Variants in MTUS2 observed in about 807,000 individuals in gnomAD.
MTUS2 encodes microtubule associated scaffold protein 2.
In MTUS2, 40 loss-of-function variants were observed where a neutral mutation model predicts 114.1. The ratio of observed to expected loss-of-function variants is 0.35; its 90% confidence interval spans 0.27 to 0.46. The LOEUF (loss-of-function observed/expected upper bound fraction) is 0.46, where lower values mean the gene tolerates loss of function less well. MTUS2 is among the 20% of genes least tolerant of loss of function. MTUS2 has a pLI of 1.00. For missense variants in MTUS2, 1,679 were observed against 1,705.4 expected (o/e 0.98, Z 0.27); for synonymous variants, 688 against 672.0 (o/e 1.02, Z -0.37).
At chr13:29,042,033 T>C (rs1440565096) in intron 4 of MTUS2, among the ~76,000 whole-genome samples, 1 of 152,192 alleles carries the variant, frequency 6.6e-6, no homozygotes, top group East Asian at 1.9e-4. Context: ...TGGGCATCCT[T>C]GACTTGTTCC....
At chr13:29,240,920 TA>T (rs1444893529) in intron 5 of MTUS2, among the ~76,000 whole-genome samples, 1 of 152,114 alleles carries the variant, frequency 6.6e-6, no homozygotes, top group Non-Finnish European at 1.5e-5. Context: ...TTCAACCTTA[TA>T]AAAAAGAAAA....
chr13:29,363,071 C>G (rs553777919), intron 8 of MTUS2, among the ~76,000 whole-genome samples: 1 of 151,274 alleles, frequency 6.6e-6, no homozygotes, highest in South Asian at 2.1e-4. Flanking sequence ...CCCAGACCCC[C>G]AAGTGGTGTA....
intron 9 of MTUS2, among the ~76,000 whole-genome samples, chr13:29,447,467 A>C (rs934488904): frequency 6.6e-6 from 1 of 152,198 alleles, no homozygotes; most frequent in African/African-American, 2.4e-5. Context: ...ATTTCATTGA[A>C]TCATGCTTAT....
chr13:29,503,490 C>CAGGTT lies in MTUS2; in HGVS notation c.*287_*291dup. 1 of 548,946 alleles carries CAGGTT rather than the reference C, an allele frequency of 1.8e-6. No homozygotes were observed. Among genetic ancestry groups the CAGGTT allele is most frequent in the Non-Finnish European group, 3.3e-6 (1 of 305,524 alleles). The allele number at this position is 548,946 out of a possible 1,614,324, so 34.0% of individuals were successfully genotyped here. ...GCAATGAACTTTCACTGCAGAATTT[C>CAGGTT]AGGTTAGTTACAAAAAGCTCAGTTT... On this transcript the variant is annotated 3_prime_UTR_variant, in exon 16 of 16. Coordinates refer to ENST00000612955, the MANE Select transcript of MTUS2 (RefSeq NM_001033602.4).
intron 5 of MTUS2, among the ~76,000 whole-genome samples, chr13:29,202,273 T>G (rs1018857412): frequency 2.6e-5 from 4 of 152,176 alleles, no homozygotes; most frequent in African/African-American, 7.2e-5. Flanking sequence ...ATCTCTGATA[T>G]CCTTTTTCCT....
At chr13:29,147,844 G>A (rs952655537) in intron 5 of MTUS2, among the ~76,000 whole-genome samples, 2 of 152,120 alleles carry the variant, frequency 1.3e-5, no homozygotes, top group African/African-American at 4.8e-5. Context: ...CACCATTGAT[G>A]GTCACCTAGG....
rs1003504521 is a variant in MTUS2 at position 28,846,892 on chromosome 13, C to T, written c.-243+7042C>T. Among the ~76,000 whole-genome samples, 7 of 152,200 alleles carry T rather than the reference C, an allele frequency of 4.6e-5. No individual in the cohort carries two copies. In the South Asian group the frequency reaches 1.4e-3, roughly 32 times the overall value. On this transcript the variant is annotated intron_variant, in intron 2 of 15. Transcript: ENST00000612955. ...GTTATTTGTGAACAGACATTATTTC[C>T]TTACTGGGCTGTATGCTTCTTCAGT... is the stretch of plus-strand genomic sequence containing the variant.
intron 9 of MTUS2, among the ~76,000 whole-genome samples, chr13:29,453,762 A>C (rs1878910342): frequency 7.7e-6 from 1 of 129,628 alleles, no homozygotes. Flanking sequence ...GGCTATCTCT[A>C]AGCAGGAGGA....
chr13:29,148,502 G>T (rs535882646), intron 5 of MTUS2, among the ~76,000 whole-genome samples: 1 of 104,390 alleles, frequency 9.6e-6, no homozygotes, highest in African/African-American at 3.2e-5. Flanking sequence ...TTTTTGAGAC[G>T]GAGTCTCGCT....
chr13:29,297,350 T>TA lies in MTUS2; in HGVS notation c.2806+15486dup, dbSNP rs201663985. ...TTTCTTATTTCCTTTTTAAAAAAGA[T>TA]ACGTTTGTTAAGAACTGTATGCATC... is the stretch of plus-strand genomic sequence containing the variant. On this transcript the variant is annotated intron_variant, in intron 6 of 15. Coordinates refer to ENST00000612955, the MANE Select transcript of MTUS2 (RefSeq NM_001033602.4). Among the ~76,000 whole-genome samples the TA allele has an allele frequency of 6.2e-3, 943 of 152,336 alleles. 1 individual carries two copies. The highest frequency in any genetic ancestry group is 9.7e-3 in the Non-Finnish European group (662 of 68,024).
intron 9 of MTUS2, among the ~76,000 whole-genome samples, chr13:29,459,391 A>G (rs1333984697): frequency 6.6e-6 from 1 of 152,104 alleles, no homozygotes; most frequent in African/African-American, 2.4e-5. Flanking sequence ...TGTTGATTAT[A>G]ATTCGGAAGT....
At chr13:29,407,561 T>C (rs1425610337) in intron 8 of MTUS2, among the ~76,000 whole-genome samples, 2 of 151,980 alleles carry the variant, frequency 1.3e-5, no homozygotes, top group Non-Finnish European at 2.9e-5. Flanking sequence ...CACTGCAGCC[T>C]CTGCCTCCCA....
At chr13:29,307,046 C>A in intron 6 of MTUS2, 1 of 518,354 alleles carries the variant, frequency 1.9e-6, no homozygotes, top group Non-Finnish European at 3.8e-6. Flanking sequence ...TGGGGTGATG[C>A]TGGCACTGAG....
In MTUS2 at chr13:29,266,105, A is replaced by T. The variant is rs146899486; in HGVS notation, c.2645-15599A>T. Reference sequence around the variant, plus strand: ...GAAGAAAAGGGAAGTCAAAAGACTGATGGGCTGTGACTAAGGCTCCATGTT... The same window carrying T: ...GAAGAAAAGGGAAGTCAAAAGACTGTTGGGCTGTGACTAAGGCTCCATGTT... On this transcript the variant is annotated intron_variant, in intron 5 of 15. Coordinates refer to ENST00000612955, the MANE Select transcript of MTUS2 (RefSeq NM_001033602.4). Among the ~76,000 whole-genome samples, 348 of 152,286 alleles carry T rather than the reference A, an allele frequency of 2.3e-3. 4 individuals carry two copies. The highest frequency in any genetic ancestry group is 6.9e-3 in the African/African-American group (288 of 41,570).
intron 9 of MTUS2, among the ~76,000 whole-genome samples, chr13:29,450,247 T>C (rs1878593084): frequency 6.6e-6 from 1 of 152,126 alleles, no homozygotes; most frequent in Non-Finnish European, 1.5e-5. Context: ...GAAATGTGCT[T>C]TTTTTCTCGT....
At chr13:29,161,450 A>G (rs1053859692) in intron 5 of MTUS2, among the ~76,000 whole-genome samples, 30 of 151,444 alleles carry the variant, frequency 2.0e-4, no homozygotes, top group Non-Finnish European at 4.0e-4. Flanking sequence ...AATATATAGT[A>G]TACGTTATAG....
chr13:29,289,843 C>A (rs1898634989), intron 6 of MTUS2, among the ~76,000 whole-genome samples: 1 of 152,010 alleles, frequency 6.6e-6, no homozygotes, highest in South Asian at 2.1e-4. Context: ...GGGTTCAGAC[C>A]CCTTCCAGTC....
At chr13:29,245,858 G>C (rs1186818343) in intron 5 of MTUS2, among the ~76,000 whole-genome samples, 2 of 151,916 alleles carry the variant, frequency 1.3e-5, no homozygotes, top group South Asian at 4.1e-4. Context: ...CACCACGCCC[G>C]GCTAATTTTT....
chr13:29,390,113 A>G (rs1359610988), intron 8 of MTUS2, among the ~76,000 whole-genome samples: 1 of 108,908 alleles, frequency 9.2e-6, no homozygotes, highest in African/African-American at 2.6e-5. Context: ...ATATATACAC[A>G]TACACACACA....
Sources: allele counts gnomAD v4.1 joint callset (sites outside exome capture counted in the v4.1 genomes callset), GRCh38; gene constraint gnomAD v4.1.1; transcripts MANE v1.5; gene names NCBI Gene and HGNC (gene_info 2026-07-23, HGNC 2026-07-21).